Variants in MAP3K7CL observed in about 807,000 individuals in gnomAD.
The protein encoded by MAP3K7CL is MAP3K7 C-terminal like.
A neutral mutation model predicts 18.6 loss-of-function variants in MAP3K7CL; 16 were observed. That is an observed-to-expected ratio of 0.86 (90% CI 0.58 to 1.31). The LOEUF (loss-of-function observed/expected upper bound fraction) is 1.31. MAP3K7CL is among the 50% of genes most tolerant of loss of function. The probability of loss-of-function intolerance (pLI) is 0.00; values close to 1 mark genes in which losing one functional copy is unlikely to be tolerated. For synonymous variants in MAP3K7CL, 65 were observed against 66.8 expected, an observed-to-expected ratio of 0.97 and a Z score of 0.13; for missense variants, 163 against 174.4, an observed-to-expected ratio of 0.93 and a Z score of 0.37.
chr21:29,113,918 T>G (rs2086462406), intron 4 of MAP3K7CL, among the ~76,000 whole-genome samples: 3 of 152,168 alleles, frequency 2.0e-5, no homozygotes, highest in Admixed American at 1.3e-4. Context: ...CATTTGGCAA[T>G]GAGGAAGGAG....
chr21:29,091,664 A>G (rs1308813866), intron 2 of MAP3K7CL: 2 of 700,294 alleles, frequency 2.9e-6, no homozygotes, highest in African/African-American at 1.8e-5. Flanking sequence ...TTTTTTTTTC[A>G]TAGAGATGGA....
chr21:29,167,947 C>G (rs975050517), intron 4 of MAP3K7CL, among the ~76,000 whole-genome samples: 2 of 151,880 alleles, frequency 1.3e-5, no homozygotes, highest in African/African-American at 4.8e-5. Flanking sequence ...GGTCCGCCCA[C>G]CTGGCCTCCC....
At chr21:29,126,801 T>G (rs80018355), upstream of MAP3K7CL, among the ~76,000 whole-genome samples, 1 of 152,028 alleles carries the variant, frequency 6.6e-6, no homozygotes, top group Non-Finnish European at 1.5e-5. Context: ...TAGAGAAAAA[T>G]TGTGCTGACC....
intron 4 of MAP3K7CL, among the ~76,000 whole-genome samples, chr21:29,164,292 T>C (rs1403139109): frequency 2.0e-5 from 3 of 152,224 alleles, no homozygotes; most frequent in Non-Finnish European, 2.9e-5. Flanking sequence ...GCAAGATATA[T>C]TGGGCCAAGT....
At chr21:29,124,881 A>G (rs1313954767) in intron 4 of MAP3K7CL, among the ~76,000 whole-genome samples, 1 of 152,230 alleles carries the variant, frequency 6.6e-6, no homozygotes, top group African/African-American at 2.4e-5. Context: ...TCAACTTAGA[A>G]CAGCAGAGAT....
chr21:29,094,416 G>A (rs73192166), intron 4 of MAP3K7CL, among the ~76,000 whole-genome samples: 26,930 of 152,210 alleles, frequency 0.18, 2,735 homozygotes, highest in South Asian at 0.23. Context: ...AAAGTCTAGG[G>A]TGGGGCCTAA....
intron 1 of MAP3K7CL, among the ~76,000 whole-genome samples, chr21:29,086,862 T>C (rs1291550385): frequency 6.6e-6 from 1 of 152,194 alleles, no homozygotes; most frequent in Non-Finnish European, 1.5e-5. Context: ...ACGTCCCCCT[T>C]TCCTGAGTAT....
chr21:29,144,947 C>G (rs1271126452), intron 2 of MAP3K7CL, among the ~76,000 whole-genome samples: 1 of 152,228 alleles, frequency 6.6e-6, no homozygotes, highest in African/African-American at 2.4e-5. Flanking sequence ...TAAGAAAGTT[C>G]TAGCTTAAGG....
chr21:29,143,784 C>T (rs912822283), intron 2 of MAP3K7CL, among the ~76,000 whole-genome samples: 3 of 152,156 alleles, frequency 2.0e-5, no homozygotes, highest in Middle Eastern at 3.4e-3. Flanking sequence ...GTTATGTCTA[C>T]GATGGGGAGC....
upstream of MAP3K7CL, among the ~76,000 whole-genome samples, chr21:29,129,566 A>G (rs2086741266): frequency 6.6e-6 from 1 of 152,170 alleles, no homozygotes; most frequent in Non-Finnish European, 1.5e-5. Flanking sequence ...ATATACCAGG[A>G]TTTATTTACC....
chr21:29,168,143 C>T (rs974919), intron 4 of MAP3K7CL, among the ~76,000 whole-genome samples: 59,191 of 151,678 alleles, frequency 0.39, 13,071 homozygotes, highest in Non-Finnish European at 0.5. Flanking sequence ...ACTCAGCCTC[C>T]AGAAATTACA....
At chr21:29,140,697 G>A (rs2086987597) in intron 2 of MAP3K7CL, among the ~76,000 whole-genome samples, 1 of 152,200 alleles carries the variant, frequency 6.6e-6, no homozygotes, top group South Asian at 2.1e-4. Context: ...GTATGTTGTG[G>A]TAGGAAAGAA....
chr21:29,111,452 C>A (rs1430332105), intron 4 of MAP3K7CL, among the ~76,000 whole-genome samples: 1 of 152,204 alleles, frequency 6.6e-6, no homozygotes, highest in Non-Finnish European at 1.5e-5. Flanking sequence ...ATTCCCTACC[C>A]CTCCATTGTC....
At chr21:29,128,269 C>T (rs1448513710), upstream of MAP3K7CL, 1 of 151,974 alleles carries the variant, frequency 6.6e-6, no homozygotes, top group African/African-American at 2.4e-5. Flanking sequence ...CAAACAAAAG[C>T]TGAGAGTCAG....
chr21:29,132,565 A>C (rs1160108768), intron 1 of MAP3K7CL, among the ~76,000 whole-genome samples: 1 of 152,120 alleles, frequency 6.6e-6, no homozygotes, highest in Non-Finnish European at 1.5e-5. Context: ...GCTGGAGTGC[A>C]GTGGTACGAT....
chr21:29,090,325 A>G (rs1391137534), intron 1 of MAP3K7CL, among the ~76,000 whole-genome samples: 1 of 152,172 alleles, frequency 6.6e-6, no homozygotes, highest in Non-Finnish European at 1.5e-5. Flanking sequence ...AAATGTTACA[A>G]AATGAAATAC....
chr21:29,170,447 T>C (rs185495959), intron 4 of MAP3K7CL, among the ~76,000 whole-genome samples: 16 of 152,236 alleles, frequency 1.1e-4, no homozygotes, highest in Middle Eastern at 3.4e-3. Context: ...GAGTTTTACA[T>C]GAGGTTAGAT....
chr21:29,105,883 CAGAAAAAAATT>C (rs2086312749), intron 4 of MAP3K7CL, among the ~76,000 whole-genome samples: 1 of 152,094 alleles, frequency 6.6e-6, no homozygotes, highest in African/African-American at 2.4e-5. Context: ...TAGAGGGAGA[CAGAAAAAAATT>C]CTACTCCTTA....
At chr21:29,109,535 A>ATTTTT (rs2086383175) in intron 4 of MAP3K7CL, 1 of 1,054,698 alleles carries the variant, frequency 9.5e-7, no homozygotes, top group African/African-American at 1.7e-5. Flanking sequence ...CAGCAATTCC[A>ATTTTT]TAAGTACTTT....
Sources: allele counts gnomAD v4.1 joint callset (sites outside exome capture counted in the v4.1 genomes callset), GRCh38; gene constraint gnomAD v4.1.1; transcripts MANE v1.5; gene names NCBI Gene and HGNC (gene_info 2026-07-23, HGNC 2026-07-21).